CACNA1C: variants seen among roughly 807,000 people sequenced by gnomAD.
The protein encoded by CACNA1C is calcium voltage-gated channel subunit alpha1 C, also known as voltage-dependent L-type calcium channel subunit alpha-1C.
A neutral mutation model predicts 229.0 loss-of-function variants in CACNA1C; 30 were observed. The ratio of observed to expected loss-of-function variants is 0.13; its 90% CI spans 0.10 to 0.18. The LOEUF (loss-of-function observed/expected upper bound fraction) is 0.18, where lower values mean the gene tolerates loss of function less well. CACNA1C is among the 10% of genes least tolerant of loss of function. The pLI is 1.00. For missense variants in CACNA1C, 1,658 were observed against 2,845.0 expected (o/e 0.58, Z 9.49); for synonymous variants, 1,114 against 1,132.5 (o/e 0.98, Z 0.33).
chr12:2,608,483 C>T lies in CACNA1C; in HGVS notation c.3357-28C>T. 1 of 1,568,246 alleles carries T rather than the reference C, an allele frequency of 6.4e-7. No homozygotes were observed. Among genetic ancestry groups the T allele is most frequent in the Non-Finnish European group, 8.7e-7 (1 of 1,151,090 alleles). On this transcript the variant is annotated intron_variant, in intron 26 of 46. Coordinates refer to ENST00000399655, the MANE Select transcript of CACNA1C (RefSeq NM_000719.7). This position sits in a 1 kb window ranked among gnomAD's most constrained non-coding sequence, Gnocchi z 4.2. ...AGAGGGGACCCTGCTTCTCCAGTTC[C>T]CTCTGTGGGACCTGTCTCCTCCTGC...
intron 9 of CACNA1C, among the ~76,000 whole-genome samples, chr12:2,536,288 C>T (rs964924819): frequency 7.2e-5 from 11 of 152,198 alleles, no homozygotes; most frequent in African/African-American, 2.4e-4. Context: ...AGGGTGCAAA[C>T]GTCAAAACTC....
At chr12:2,247,247 T>G (rs1023960340) in intron 3 of CACNA1C, among the ~76,000 whole-genome samples, 1 of 152,220 alleles carries the variant, frequency 6.6e-6, no homozygotes, top group Non-Finnish European at 1.5e-5. Flanking sequence ...GTGCATTGCA[T>G]GGAAGTTGGG....
At position 2,653,153 on chromosome 12, in the gene CACNA1C, T is replaced by C. The variant is rs1174149274; in HGVS notation, c.4075-682T>C. 6.6e-6 allele frequency among the ~76,000 whole-genome samples: 1 copy of C among 152,252 alleles called. No individual in the cohort carries two copies. Among genetic ancestry groups the C allele is most frequent in the African/African-American group, 2.4e-5 (1 of 41,470 alleles). On this transcript the variant is annotated intron_variant, in intron 32 of 46. Transcript: ENST00000399655. This position sits in a 1 kb window ranked among gnomAD's most constrained non-coding sequence, Gnocchi z 4.7. ...CCAGGCAGATAATGCATGGAGCGAA[T>C]AGAGCGTATGGAACCCAGCTCTGCA...
At chr12:2,126,303 T>C (rs755466003) in intron 3 of CACNA1C, among the ~76,000 whole-genome samples, 26 of 152,352 alleles carry the variant, frequency 1.7e-4, no homozygotes, top group Middle Eastern at 3.4e-3. Flanking sequence ...GATTTAGTGC[T>C]GTTATTGGCA....
chr12:2,191,168 G>A (rs558139750), intron 3 of CACNA1C, among the ~76,000 whole-genome samples: 1 of 152,274 alleles, frequency 6.6e-6, no homozygotes, highest in South Asian at 2.1e-4. Flanking sequence ...GGGAGATGTG[G>A]GGTGTGGGGT....
chr12:2,008,586 G>A (rs12319921), intron 1 of CACNA1C, among the ~76,000 whole-genome samples: 2,385 of 152,172 alleles, frequency 0.016, 62 homozygotes, highest in African/African-American at 0.055. Flanking sequence ...TTAAATGTCA[G>A]CATTTTTTAA....
intron 39 of CACNA1C, chr12:2,676,130 C>G (rs1454588180): frequency 6.6e-6 from 1 of 152,216 alleles, no homozygotes; most frequent in Non-Finnish European, 1.5e-5. Flanking sequence ...ATTCAGGATT[C>G]AAACCCAGGC....
At chr12:2,434,448 T>C (rs1172336564) in intron 3 of CACNA1C, among the ~76,000 whole-genome samples, 2 of 152,196 alleles carry the variant, frequency 1.3e-5, no homozygotes, top group Non-Finnish European at 2.9e-5. Context: ...ACCAAAGAAA[T>C]GGAGACACAG....
chr12:2,404,106 C>A (rs532435607), intron 3 of CACNA1C, among the ~76,000 whole-genome samples: 2 of 152,322 alleles, frequency 1.3e-5, no homozygotes, highest in African/African-American at 4.8e-5. Context: ...CTGTCCCTTT[C>A]TCTGTGTGCC....
At chr12:2,387,677 C>G (rs2098416634) in intron 3 of CACNA1C, among the ~76,000 whole-genome samples, 1 of 152,186 alleles carries the variant, frequency 6.6e-6, no homozygotes, top group South Asian at 2.1e-4. Flanking sequence ...GAGCCAAGGG[C>G]TGACACCTGA....
intron 3 of CACNA1C, among the ~76,000 whole-genome samples, chr12:2,407,955 C>T (rs1166370484): frequency 6.6e-6 from 1 of 152,206 alleles, no homozygotes; most frequent in Non-Finnish European, 1.5e-5. Flanking sequence ...TGCGGCTTCA[C>T]CCACTCTTCC....
intron 34 of CACNA1C, among the ~76,000 whole-genome samples, chr12:2,663,654 A>G (rs1346848665): frequency 6.6e-6 from 1 of 152,028 alleles, no homozygotes; most frequent in Non-Finnish European, 1.5e-5. Context: ...ATCACCACTG[A>G]AGGGCTTGTC....
intron 3 of CACNA1C, among the ~76,000 whole-genome samples, chr12:2,284,050 C>T (rs2092145890): frequency 6.6e-6 from 1 of 152,142 alleles, no homozygotes; most frequent in East Asian, 1.9e-4. Context: ...ACCAGCCAAG[C>T]ACGTCTTTCA....
intron 11 of CACNA1C, among the ~76,000 whole-genome samples, chr12:2,563,133 T>C (rs1322491506): frequency 1.3e-5 from 2 of 152,246 alleles, no homozygotes; most frequent in Non-Finnish European, 2.9e-5. Context: ...TATGTACAAT[T>C]TGTCTTTCTG....
chr12:1,979,640 G>A (rs749558668), intron 1 of CACNA1C, among the ~76,000 whole-genome samples: 2 of 152,170 alleles, frequency 1.3e-5, no homozygotes, highest in South Asian at 2.1e-4. Flanking sequence ...AACTACGAAC[G>A]GAACTTGTTG....
At chr12:2,395,290 C>T (rs147697157) in intron 3 of CACNA1C, among the ~76,000 whole-genome samples, 177 of 150,498 alleles carry the variant, frequency 1.2e-3, no homozygotes, top group African/African-American at 4.3e-3. Flanking sequence ...ATGATCTCAG[C>T]TCATTGCAAC....
chr12:2,450,514 A>G (rs1275551247), intron 4 of CACNA1C, among the ~76,000 whole-genome samples: 7 of 126,416 alleles, frequency 5.5e-5, no homozygotes, highest in Non-Finnish European at 9.4e-5. Flanking sequence ...AGATCATGCC[A>G]CTGCACTCCA....
intron 1 of CACNA1C, among the ~76,000 whole-genome samples, chr12:2,111,776 TC>T (rs2081863506): frequency 6.6e-6 from 1 of 152,100 alleles, no homozygotes; most frequent in South Asian, 2.1e-4. Flanking sequence ...AAATTAGAGT[TC>T]CAGCCTTCCC....
chr12:2,581,452 C>A, intron 13 of CACNA1C, 138 bp from the exon 14 acceptor site: 2 of 717,752 alleles, frequency 2.8e-6, no homozygotes, highest in South Asian at 2.2e-5. Flanking sequence ...ACCACCAACA[C>A]GCATCCCCCA....
Sources: gnomAD v4.1 joint callset for allele counts (sites outside exome capture counted in the v4.1 genomes callset) on GRCh38, gnomAD v4.1.1 for gene constraint, Gnocchi (gnomAD v3.1) non-coding constraint, MANE v1.5 for transcripts, NCBI Gene and HGNC (gene_info 2026-07-23, HGNC 2026-07-21) for gene names.